ETV6: variants seen among roughly 807,000 people sequenced by gnomAD.
The protein encoded by ETV6 is transcription factor ETV6.
ETV6 carries 16 observed loss-of-function variants against 51.1 expected under a neutral mutation model. The observed-to-expected ratio is 0.31, with a 90% CI of 0.21 to 0.48. The LOEUF is 0.48. Among genes scored for constraint, ETV6 ranks in the 20% least tolerant of loss-of-function variants. The probability of loss-of-function intolerance (pLI) is 0.99; values close to 1 mark genes in which losing one functional copy is unlikely to be tolerated. For missense variants in ETV6, 458 were observed against 594.8 expected, an observed-to-expected ratio of 0.77 and a Z score of 2.39; for synonymous variants, 240 against 224.1, an observed-to-expected ratio of 1.07 and a Z score of -0.64.
chr12:11,722,999 T>C (rs1042329709), intron 1 of ETV6, among the ~76,000 whole-genome samples: 1 of 152,208 alleles, frequency 6.6e-6, no homozygotes, highest in Non-Finnish European at 1.5e-5. Context: ...CGCACTTTAA[T>C]AACCACAGGT....
At chr12:11,699,478 G>A (rs1426928191) in intron 1 of ETV6, among the ~76,000 whole-genome samples, 1 of 152,132 alleles carries the variant, frequency 6.6e-6, no homozygotes, top group African/African-American at 2.4e-5. Context: ...GATGAGGGAT[G>A]TACAAGATTT....
chr12:11,882,730 A>G (rs2739085), intron 5 of ETV6, among the ~76,000 whole-genome samples: 71,422 of 152,156 alleles, frequency 0.47, 17,847 homozygotes, highest in South Asian at 0.6. Context: ...CCTCAGGAAG[A>G]TTAAGAAGCG....
chr12:11,785,202 A>C (rs1591671400), intron 2 of ETV6, among the ~76,000 whole-genome samples: 1 of 152,216 alleles, frequency 6.6e-6, no homozygotes, highest in South Asian at 2.1e-4. Flanking sequence ...ACATGATGGC[A>C]GGCCGTACCA....
At chr12:11,792,579 C>T (rs144222296) in intron 2 of ETV6, among the ~76,000 whole-genome samples, 2,761 of 151,570 alleles carry the variant, frequency 0.018, 83 homozygotes, top group African/African-American at 0.064. Context: ...CCCAGGTACT[C>T]GGGAGGCTGA....
At chr12:11,716,568 C>T (rs940182447) in intron 1 of ETV6, 1 of 152,180 alleles carries the variant, frequency 6.6e-6, no homozygotes, top group African/African-American at 2.4e-5. Context: ...TAGTTCCTTT[C>T]TTCTGCCCTC....
chr12:11,650,469 A>G (rs1333469084), intron 1 of ETV6, among the ~76,000 whole-genome samples: 1 of 117,006 alleles, frequency 8.5e-6, no homozygotes, highest in Non-Finnish European at 1.7e-5. Context: ...ACACCCCCGT[A>G]ATTAGTGCGC....
intron 2 of ETV6, among the ~76,000 whole-genome samples, chr12:11,759,187 A>G (rs1000806650): frequency 6.6e-6 from 1 of 151,700 alleles, no homozygotes; most frequent in African/African-American, 2.4e-5. Context: ...AAAAAAATAT[A>G]TAACCAGAGG....
intron 5 of ETV6, among the ~76,000 whole-genome samples, chr12:11,871,453 G>C (rs985893091): frequency 6.6e-6 from 1 of 152,150 alleles, no homozygotes; most frequent in East Asian, 1.9e-4. Flanking sequence ...GCCTCCTAAA[G>C]TGCTAGGATT....
intron 1 of ETV6, among the ~76,000 whole-genome samples, chr12:11,706,395 A>T (rs549538129): frequency 6.6e-6 from 1 of 152,362 alleles, no homozygotes; most frequent in South Asian, 2.1e-4. Context: ...GGAAGAGCCC[A>T]GCACTATCAC....
chr12:11,710,992 G>C (rs1865163041), intron 1 of ETV6, among the ~76,000 whole-genome samples: 1 of 152,208 alleles, frequency 6.6e-6, no homozygotes. Flanking sequence ...CCTTAGCTTG[G>C]AGGGTCAGAG....
chr12:11,790,533 T>G (rs1332206694), intron 2 of ETV6, among the ~76,000 whole-genome samples: 2 of 152,174 alleles, frequency 1.3e-5, no homozygotes, highest in East Asian at 3.9e-4. Flanking sequence ...GGAGGGTAGA[T>G]TCTAGCTGCC....
chr12:11,894,974 G>C lies in ETV6; in HGVS notation c.*3928G>C, dbSNP rs1386737095. 4.3e-6 allele frequency: 1 copy of C among 233,568 alleles called. No individual in the cohort carries two copies. Among genetic ancestry groups the C allele is most frequent in the Non-Finnish European group, 8.5e-6 (1 of 118,040 alleles). The allele number at this position is 233,568 out of a possible 1,614,324, so 14.5% of individuals were successfully genotyped here. A position where few individuals can be genotyped will look rare whatever the true frequency, so the allele number is the denominator to read the frequency against. ...CTCTCTCCTGCTCCTCTTCGGAGTA[G>C]AAATAAAGGCTGTGACACAAGGAAG... On this transcript the variant is annotated 3_prime_UTR_variant, in exon 8 of 8. Coordinates refer to ENST00000396373, the MANE Select transcript of ETV6 (RefSeq NM_001987.5).
At chr12:11,674,834 C>T (rs553296312) in intron 1 of ETV6, among the ~76,000 whole-genome samples, 2 of 152,246 alleles carry the variant, frequency 1.3e-5, no homozygotes, top group East Asian at 1.9e-4. Flanking sequence ...GCGGAGGCCC[C>T]TGGTGCTCAG....
intron 4 of ETV6, among the ~76,000 whole-genome samples, chr12:11,855,518 C>T (rs1946620105): frequency 6.6e-6 from 1 of 152,184 alleles, no homozygotes; most frequent in African/African-American, 2.4e-5. Context: ...ACCCTGGTCC[C>T]TTGGGGCATT....
At chr12:11,827,197 G>A (rs571406839) in intron 2 of ETV6, among the ~76,000 whole-genome samples, 11 of 151,648 alleles carry the variant, frequency 7.3e-5, no homozygotes, top group African/African-American at 2.4e-4. Context: ...CGTCAGCAAC[G>A]CTGTTAAAAT....
chr12:11,861,182 A>G (rs1235678354), intron 4 of ETV6, among the ~76,000 whole-genome samples: 1 of 152,124 alleles, frequency 6.6e-6, no homozygotes, highest in Non-Finnish European at 1.5e-5. Context: ...GGATTCTTGA[A>G]TCTGGCAGCA....
chr12:11,784,515 A>G (rs1466313507), intron 2 of ETV6, among the ~76,000 whole-genome samples: 1 of 151,976 alleles, frequency 6.6e-6, no homozygotes. Flanking sequence ...CCATGTGACT[A>G]TGTGAGTTCA....
intron 2 of ETV6, among the ~76,000 whole-genome samples, chr12:11,800,299 CAT>C (rs1304511377): frequency 6.6e-6 from 1 of 152,098 alleles, no homozygotes; most frequent in Non-Finnish European, 1.5e-5. Context: ...AGATAAAAGT[CAT>C]ATGTTTATGG....
At chr12:11,687,031 G>C (rs780760308) in intron 1 of ETV6, among the ~76,000 whole-genome samples, 1 of 151,850 alleles carries the variant, frequency 6.6e-6, no homozygotes, top group Non-Finnish European at 1.5e-5. Context: ...GACTACAGGC[G>C]CACACCACTG....
Sources: gnomAD v4.1 joint callset for allele counts (sites outside exome capture counted in the v4.1 genomes callset) on GRCh38, gnomAD v4.1.1 for gene constraint, MANE v1.5 for transcripts, NCBI Gene and HGNC (gene_info 2026-07-23, HGNC 2026-07-21) for gene names.